ESRP1: variants seen among roughly 807,000 people sequenced by gnomAD.
The protein encoded by ESRP1 is epithelial splicing regulatory protein 1.
ESRP1 carries 33 observed loss-of-function variants against 81.7 expected under a neutral mutation model. The ratio of observed to expected loss-of-function variants is 0.40; its 90% CI spans 0.31 to 0.54. ESRP1 has a LOEUF of 0.54. Among genes scored for constraint, ESRP1 ranks in the 20% least tolerant of loss-of-function variants. ESRP1 has a pLI of 0.41. For synonymous variants in ESRP1, 320 were observed against 303.3 expected (o/e 1.06, Z -0.57); for missense variants, 672 against 833.1 (o/e 0.81, Z 2.38).
intron 13 of ESRP1, among the ~76,000 whole-genome samples, chr8:94,686,589 C>T (rs1809150456): frequency 6.6e-6 from 1 of 152,200 alleles, no homozygotes; most frequent in African/African-American, 2.4e-5. Flanking sequence ...AACTGTAGGA[C>T]CTTTGAATAC....
intron 14 of ESRP1, 134 bp from the exon 15 acceptor site, chr8:94,696,718 T>C: frequency 1.6e-6 from 1 of 637,898 alleles, no homozygotes; most frequent in African/African-American, 1.8e-5. Context: ...GATATGTATA[T>C]GGCTTGTACC....
chr8:94,646,324 G>A (rs746192817), intron 4 of ESRP1, 42 bp downstream of exon 4: 4 of 1,276,354 alleles, frequency 3.1e-6, no homozygotes, highest in Non-Finnish European at 4.3e-6. Flanking sequence ...TGAAAAGATA[G>A]TTCCAGAAAA....
At chr8:94,660,763 AAAAAACC>A (rs1455227658) in intron 4 of ESRP1, among the ~76,000 whole-genome samples, 1 of 149,994 alleles carries the variant, frequency 6.7e-6, no homozygotes. Context: ...ACAAACAAAC[AAAAAACC>A]AAAGAAAACC....
intron 9 of ESRP1, among the ~76,000 whole-genome samples, chr8:94,666,122 T>A (rs975105913): frequency 6.6e-6 from 1 of 152,242 alleles, no homozygotes; most frequent in African/African-American, 2.4e-5. Flanking sequence ...CTCATTCATA[T>A]TGTTTTATAA....
intron 4 of ESRP1, among the ~76,000 whole-genome samples, chr8:94,661,195 C>A (rs1018648277): frequency 7.9e-5 from 12 of 152,092 alleles, no homozygotes; most frequent in African/African-American, 2.9e-4. Flanking sequence ...CATGCACCAC[C>A]ACGCCTGGTT....
intron 4 of ESRP1, among the ~76,000 whole-genome samples, chr8:94,661,966 T>A (rs1397444145): frequency 6.6e-6 from 1 of 152,226 alleles, no homozygotes. Context: ...ATATTCTAAT[T>A]AACTTTGTTG....
chr8:94,663,277 T>G (rs750986206), intron 6 of ESRP1, among the ~76,000 whole-genome samples: 1 of 152,178 alleles, frequency 6.6e-6, no homozygotes, highest in African/African-American at 2.4e-5. Context: ...TTGAGACACT[T>G]GCTCTGTTGC....
intron 12 of ESRP1, among the ~76,000 whole-genome samples, chr8:94,676,349 C>CA (rs10652320): frequency 0.59 from 70,849 of 120,438 alleles, 18,971 homozygotes; most frequent in Middle Eastern, 0.69. Context: ...GACTCAGTCT[C>CA]AAAAAAAAAA....
intron 13 of ESRP1, among the ~76,000 whole-genome samples, chr8:94,686,555 T>C (rs1297366696): frequency 6.6e-6 from 1 of 152,212 alleles, no homozygotes. Flanking sequence ...CTTGTTAGTT[T>C]ATTTGATGTG....
intron 15 of ESRP1, among the ~76,000 whole-genome samples, chr8:94,698,070 C>T (rs1054729724): frequency 3.9e-5 from 6 of 152,132 alleles, no homozygotes; most frequent in Non-Finnish European, 8.8e-5. Flanking sequence ...CGTGAGCCAC[C>T]GTGCCCAGCC....
intron 13 of ESRP1, among the ~76,000 whole-genome samples, chr8:94,682,576 A>G (rs760318567): frequency 6.6e-6 from 1 of 150,624 alleles, no homozygotes; most frequent in South Asian, 2.1e-4. Context: ...TTTGTTGCCC[A>G]CGCTGGTCTC....
Position 94,658,015 on chromosome 8 carries a change from G to A in ESRP1, c.491-4257G>A, listed in dbSNP as rs144399900. ...CAACCTCTGCCTCCAGGGTTCAAGC[G>A]ATTTTTGTGCCTCAGCCTCCTGAGT... On this transcript the variant is annotated intron_variant, in intron 4 of 15. Transcript: ENST00000433389. Among the ~76,000 whole-genome samples the A allele has an allele frequency of 6.9e-3, 1,045 of 152,232 alleles. 8 individuals carry two copies. The highest frequency in any genetic ancestry group is 0.023 in the African/African-American group (974 of 41,550).
Position 94,671,734 on chromosome 8 carries a change from A to G in ESRP1, c.1452+63A>G. On this transcript the variant is annotated intron_variant, in intron 11 of 15. Coordinates refer to ENST00000433389, the MANE Select transcript of ESRP1 (RefSeq NM_017697.4). ...TCTCACTACATATGAGAAATATCTA[A>G]TATTAGATATTAGATAATCTATTAG... 4.0e-6 allele frequency: 4 copies of G among 996,838 alleles called. No homozygotes were observed. The Admixed American group carries it at 7.9e-5, about 20-fold the overall frequency. The allele number at this position is 996,838 out of a possible 1,614,324, so 61.7% of individuals were successfully genotyped here.
intron 2 of ESRP1, 127 bp from the exon 3 acceptor site, chr8:94,643,176 C>T: frequency 1.6e-6 from 1 of 607,444 alleles, no homozygotes; most frequent in East Asian, 2.8e-5. Flanking sequence ...CCAAGGTTGC[C>T]CCAGCACCGG....
intron 3 of ESRP1, among the ~76,000 whole-genome samples, chr8:94,644,934 CAA>C (rs143522091): frequency 0.017 from 2,635 of 152,262 alleles, 82 homozygotes; most frequent in African/African-American, 0.06. Context: ...GCATTATTTA[CAA>C]AGAGCATTCA....
At chr8:94,688,541 G>A (rs540917005) in intron 13 of ESRP1, 100 of 213,020 alleles carry the variant, frequency 4.7e-4, no homozygotes, top group African/African-American at 2.0e-3. Flanking sequence ...TGACAACTTC[G>A]GCTGGCATCA....
intron 15 of ESRP1, among the ~76,000 whole-genome samples, chr8:94,703,967 A>C (rs1809952347): frequency 6.6e-6 from 1 of 152,196 alleles, no homozygotes; most frequent in Non-Finnish European, 1.5e-5. Flanking sequence ...ATCTGAATTT[A>C]GTGTCAAAGG....
Position 94,671,683 on chromosome 8 carries a change from A to G in ESRP1, c.1452+12A>G. On this transcript the variant is annotated intron_variant, in intron 11 of 15. Coordinates refer to ENST00000433389, the MANE Select transcript of ESRP1 (RefSeq NM_017697.4). ...TTTTGAATCACCAGGTAAGAAAGAT[A>G]CTTAGTGGAAAACTTATTTGCTTTT... The G allele has an allele frequency of 6.2e-7, 1 of 1,607,460 alleles. No homozygotes were observed. Among genetic ancestry groups the G allele is most frequent in the Non-Finnish European group, 8.5e-7 (1 of 1,175,536 alleles).
At chr8:94,669,436 TAAG>T (rs888050805) in intron 10 of ESRP1, among the ~76,000 whole-genome samples, 1 of 152,208 alleles carries the variant, frequency 6.6e-6, no homozygotes, top group Non-Finnish European at 1.5e-5. Flanking sequence ...TATGCAAAGT[TAAG>T]AACCTTTTTA....
Sources: gnomAD v4.1 joint callset for allele counts (sites outside exome capture counted in the v4.1 genomes callset) on GRCh38, gnomAD v4.1.1 for gene constraint, MANE v1.5 for transcripts, NCBI Gene and HGNC (gene_info 2026-07-23, HGNC 2026-07-21) for gene names.